TENM4: variants seen among roughly 807,000 people sequenced by gnomAD.
TENM4 encodes teneurin transmembrane protein 4.
Under a neutral mutation model 243.3 loss-of-function variants are expected in TENM4, and 82 were observed. That is an observed-to-expected ratio of 0.34 (90% confidence interval 0.28 to 0.40). The LOEUF (loss-of-function observed/expected upper bound fraction) is 0.40, where lower values mean the gene tolerates loss of function less well. Ranked by LOEUF, TENM4 falls within the 10% of genes least tolerant of loss-of-function variation. TENM4 has a pLI of 1.00. For missense variants in TENM4, 3,138 were observed against 3,673.3 expected (o/e 0.85, Z 3.77); for synonymous variants, 1,412 against 1,456.3 (o/e 0.97, Z 0.69).
In TENM4 at chr11:78,733,256, T is replaced by G. The variant is rs568013113; in HGVS notation, c.2877-679A>C. On this transcript the variant is annotated intron_variant, in intron 20 of 33. Transcript: ENST00000278550. Reference sequence around the variant, plus strand: ...CTGAGTGCCAGCCTCCTAGTTGAGATGAGATCACTGTGACAGCATCTGGAG... The same window carrying G: ...CTGAGTGCCAGCCTCCTAGTTGAGAGGAGATCACTGTGACAGCATCTGGAG... 8.5e-5 allele frequency among the ~76,000 whole-genome samples: 13 copies of G among 152,062 alleles called. No homozygotes were observed. The East Asian group carries it at 1.4e-3, about 16-fold the overall frequency.
At chr11:78,722,960 GGGTATCTTTTCCTGT>G in intron 23 of TENM4, 43 bp from the exon 24 acceptor site, 2 of 1,600,900 alleles carry the variant, frequency 1.2e-6, no homozygotes, top group Non-Finnish European at 1.7e-6. Context: ...AGCAGGAAAT[GGGTATCTTTTCCTGT>G]GGTTGACCAC....
Position 78,896,790 on chromosome 11 carries a change from T to C in TENM4, c.750-5454A>G, listed in dbSNP as rs141466737. Among the ~76,000 whole-genome samples the C allele has an allele frequency of 5.2e-3, 795 of 152,260 alleles. 8 individuals carry two copies. Among genetic ancestry groups the C allele is most frequent in the African/African-American group, 0.019 (770 of 41,546 alleles). On this transcript the variant is annotated intron_variant, in intron 7 of 33. Coordinates refer to ENST00000278550, the MANE Select transcript of TENM4 (RefSeq NM_001098816.3). Reference sequence around the variant, plus strand: ...GCCCTGGAGCCAGCCAGCCTGGGGATGGACCCTGGTTCTGCCACTTACTGG... The same window carrying C: ...GCCCTGGAGCCAGCCAGCCTGGGGACGGACCCTGGTTCTGCCACTTACTGG...
At chr11:78,876,710 G>A (rs2136255544) in intron 9 of TENM4, among the ~76,000 whole-genome samples, 1 of 152,310 alleles carries the variant, frequency 6.6e-6, no homozygotes, top group East Asian at 1.9e-4. Flanking sequence ...ATGGCTCAGA[G>A]GCAGTGACGC....
At chr11:78,977,760 C>T (rs372607996) in intron 6 of TENM4, among the ~76,000 whole-genome samples, 6 of 152,228 alleles carry the variant, frequency 3.9e-5, no homozygotes, top group Admixed American at 1.3e-4. Context: ...TTGGTGGAAG[C>T]GTAAATTAGT....
intron 3 of TENM4, among the ~76,000 whole-genome samples, chr11:79,177,012 T>C (rs1011856953): frequency 6.6e-6 from 1 of 152,108 alleles, no homozygotes; most frequent in African/African-American, 2.4e-5. Flanking sequence ...CCTTCTCCAC[T>C]AACCATACCC....
intron 9 of TENM4, among the ~76,000 whole-genome samples, chr11:78,873,863 G>C (rs673750): frequency 0.96 from 146,171 of 151,996 alleles, 70,449 homozygotes; most frequent in Middle Eastern, 1. Flanking sequence ...AGCCTGCCTG[G>C]CCATCTAGCC....
chr11:79,131,348 A>G (rs1039610651), intron 4 of TENM4, among the ~76,000 whole-genome samples: 6 of 152,240 alleles, frequency 3.9e-5, no homozygotes, highest in Admixed American at 1.3e-4. Context: ...AAACCATACA[A>G]GCCAGAAGGG....
At chr11:78,965,479 C>T (rs796278102) in intron 6 of TENM4, among the ~76,000 whole-genome samples, 18 of 152,278 alleles carry the variant, frequency 1.2e-4, no homozygotes, top group African/African-American at 4.3e-4. Flanking sequence ...ATAACCAGTC[C>T]ATGCTGAGTT....
intron 4 of TENM4, among the ~76,000 whole-genome samples, chr11:79,074,754 G>A (rs542507163): frequency 4.9e-4 from 75 of 152,314 alleles, no homozygotes; most frequent in African/African-American, 1.8e-3. Flanking sequence ...TGAGAGGCCA[G>A]AGTGTGTCTT....
intron 6 of TENM4, among the ~76,000 whole-genome samples, chr11:79,062,991 G>A (rs1860140658): frequency 6.6e-6 from 1 of 152,128 alleles, no homozygotes; most frequent in Admixed American, 6.5e-5. Flanking sequence ...TCACAGGGCT[G>A]GCTGGGGACC....
At chr11:78,870,861 G>A (rs1859106683) in intron 9 of TENM4, among the ~76,000 whole-genome samples, 1 of 152,214 alleles carries the variant, frequency 6.6e-6, no homozygotes, top group Non-Finnish European at 1.5e-5. Flanking sequence ...AAGGCAAGTT[G>A]TAGGGGAACT....
intron 2 of TENM4, among the ~76,000 whole-genome samples, chr11:79,217,622 A>C (rs930110119): frequency 1.3e-5 from 2 of 152,234 alleles, no homozygotes; most frequent in Non-Finnish European, 2.9e-5. Context: ...TTAAATAAAG[A>C]GTAACTCTAT....
At chr11:79,235,258 A>T (rs1255747498) in intron 2 of TENM4, among the ~76,000 whole-genome samples, 4 of 152,170 alleles carry the variant, frequency 2.6e-5, no homozygotes, top group African/African-American at 9.7e-5. Context: ...GGTTGCAGTG[A>T]GCCAAGATAT....
rs574067292 is a variant in TENM4, at chr11:78,854,123, G to A, written c.1662C>T (p.Ser554=). The change falls in exon 12 of 34, where the codon TCC becomes TCT. Residue 554 remains serine (S), a synonymous_variant. Transcript: ENST00000278550. ...YNDGKESEVV[S]FLTTAIESVD... ...CCTTACCAATGGCAGTGGTGAGAAA[G>A]GAAACCACTTCTGACTCCTTTCCGT... 1.9e-6 allele frequency: 3 copies of A among 1,551,648 alleles called. No homozygotes were observed. The highest frequency in any genetic ancestry group is 2.4e-5 in the South Asian group (2 of 84,024).
At chr11:79,072,439 A>T (rs1860437430) in intron 4 of TENM4, among the ~76,000 whole-genome samples, 1 of 151,602 alleles carries the variant, frequency 6.6e-6, no homozygotes, top group South Asian at 2.1e-4. Context: ...GTGAGCTGTG[A>T]TGGTACCACT....
rs576734394 is a variant in TENM4 at position 79,164,466 on chromosome 11, T to C, written c.-162-15660A>G. Among the ~76,000 whole-genome samples, 4 of 129,124 alleles carry C rather than the reference T, an allele frequency of 3.1e-5. No homozygotes were observed. In the East Asian group the frequency reaches 1.2e-3, roughly 39 times the overall value. 84.7% of individuals were successfully genotyped at this position (129,124 alleles called of 152,430 possible). On this transcript the variant is annotated intron_variant, in intron 3 of 33. Coordinates refer to ENST00000278550, the MANE Select transcript of TENM4 (RefSeq NM_001098816.3). Reference sequence around the variant, plus strand: ...CTATATAGTATATATAGTATATATATAGTGTATATATATAGTGTATACATA... The same window carrying C: ...CTATATAGTATATATAGTATATATACAGTGTATATATATAGTGTATACATA...
At chr11:78,854,337 T>C (rs1312951817) in intron 11 of TENM4, 23 bp from the exon 12 acceptor site, 17 of 1,478,786 alleles carry the variant, frequency 1.1e-5, no homozygotes, top group Non-Finnish European at 1.5e-5. Context: ...GAAAGCACAG[T>C]TAGCAGTGGG....
At chr11:79,137,066 A>G (rs765400786) in intron 4 of TENM4, among the ~76,000 whole-genome samples, 11 of 152,116 alleles carry the variant, frequency 7.2e-5, no homozygotes, top group Admixed American at 1.3e-4. Flanking sequence ...ACTCACCATT[A>G]CCCCTGGTGA....
rs886421699 is a variant in TENM4 at position 78,656,373 on chromosome 11, G to A, written c.*1685C>T. 6.6e-6 allele frequency: 1 copy of A among 152,168 alleles called. No individual in the cohort carries two copies. The highest frequency in any genetic ancestry group is 1.5e-5 in the Non-Finnish European group (1 of 68,022). The allele number at this position is 152,168 out of a possible 1,614,324, so 9.4% of individuals were successfully genotyped here. A position where few individuals can be genotyped will look rare whatever the true frequency, so the allele number is the denominator to read the frequency against. ...AGCCCAGCTTAAAAGGAAGCATTTG[G>A]CTTCCCCTCCCATCTCCCAGAGCCT... On this transcript the variant is annotated 3_prime_UTR_variant, in exon 34 of 34. Coordinates refer to ENST00000278550, the MANE Select transcript of TENM4 (RefSeq NM_001098816.3).
Sources: allele counts gnomAD v4.1 joint callset (sites outside exome capture counted in the v4.1 genomes callset), GRCh38; gene constraint gnomAD v4.1.1; transcripts MANE v1.5; gene names NCBI Gene and HGNC (gene_info 2026-07-23, HGNC 2026-07-21).